THRB: variants seen among roughly 807,000 people sequenced by gnomAD.
THRB encodes nuclear receptor subfamily 1 group A member 2.
In THRB, 12 loss-of-function variants were observed where a neutral mutation model predicts 47.8. That is an observed-to-expected ratio of 0.25 (90% confidence interval 0.16 to 0.41). THRB has a LOEUF of 0.41. THRB is among the 10% of genes least tolerant of loss of function. The pLI, the probability that THRB is intolerant of heterozygous loss-of-function variation, is 1.00. For synonymous variants in THRB, 218 were observed against 212.2 expected, an observed-to-expected ratio of 1.03 and a Z score of -0.24; for missense variants, 348 against 589.2, an observed-to-expected ratio of 0.59 and a Z score of 4.24.
At chr3:24,242,000 A>C (rs1167963810) in intron 3 of THRB, among the ~76,000 whole-genome samples, 10 of 152,138 alleles carry the variant, frequency 6.6e-5, no homozygotes. Flanking sequence ...ATCAGTGCAT[A>C]GTAGGAACTC....
chr3:24,371,780 T>C (rs2064935947), intron 1 of THRB, among the ~76,000 whole-genome samples: 1 of 152,162 alleles, frequency 6.6e-6, no homozygotes, highest in African/African-American at 2.4e-5. Flanking sequence ...CTTGGAGGCG[T>C]TGAAGGCATT....
At chr3:24,172,804 G>A (rs532158626) in intron 5 of THRB, among the ~76,000 whole-genome samples, 1 of 152,214 alleles carries the variant, frequency 6.6e-6, no homozygotes, top group Admixed American at 6.5e-5. Context: ...CAGTCCTGGT[G>A]GCTTCCTCAA....
At chr3:24,245,358 T>G (rs1236748313) in intron 3 of THRB, among the ~76,000 whole-genome samples, 1 of 152,134 alleles carries the variant, frequency 6.6e-6, no homozygotes, top group East Asian at 1.9e-4. Context: ...CTGGGTGCCA[T>G]GATGGGTGCA....
rs527327818 is a variant in THRB at position 24,453,891 on chromosome 3, G to A, written c.-261+40761C>T. The stretch of plus-strand genomic sequence containing the variant: ...TCCCTCTGCCTGCAGTGTTCTCCTA[G>A]CCCTCAAGACAGCTTCATCAAATCC... On this transcript the variant is annotated intron_variant, in intron 1 of 10. Coordinates refer to ENST00000646209, the MANE Select transcript of THRB (RefSeq NM_001354712.2). Among the ~76,000 whole-genome samples, 49 of 152,000 alleles carry A rather than the reference G, an allele frequency of 3.2e-4. No individual in the cohort carries two copies. In the East Asian group the frequency reaches 8.9e-3, roughly 28 times the overall value.
intron 1 of THRB, among the ~76,000 whole-genome samples, chr3:24,436,820 T>C (rs1438324418): frequency 6.6e-6 from 1 of 152,176 alleles, no homozygotes. Context: ...TTCTGTGTGA[T>C]ATATAATAAT....
intron 4 of THRB, among the ~76,000 whole-genome samples, chr3:24,210,760 G>A (rs190141046): frequency 2.0e-5 from 3 of 152,156 alleles, no homozygotes; most frequent in Non-Finnish European, 2.9e-5. Context: ...CTGGTTGACA[G>A]TAAGTAAGGT....
chr3:24,165,106 T>C (rs751180502), intron 5 of THRB: 1 of 765,132 alleles, frequency 1.3e-6, no homozygotes, highest in Admixed American at 1.7e-5. Context: ...GTTGGCTGTA[T>C]TGATTCAGGG....
intron 5 of THRB, among the ~76,000 whole-genome samples, chr3:24,160,705 G>A (rs1219841457): frequency 1.3e-5 from 2 of 152,226 alleles, no homozygotes; most frequent in South Asian, 2.1e-4. Context: ...CATAAAAGCT[G>A]GAGCAGAGTG....
intron 4 of THRB, among the ~76,000 whole-genome samples, chr3:24,199,802 C>T (rs766474514): frequency 3.9e-5 from 6 of 152,164 alleles, no homozygotes; most frequent in Non-Finnish European, 8.8e-5. Flanking sequence ...AACAAAACAA[C>T]GTGTGTTCAA....
At chr3:24,353,951 C>T (rs1560003378) in intron 1 of THRB, among the ~76,000 whole-genome samples, 1 of 151,940 alleles carries the variant, frequency 6.6e-6, no homozygotes. Flanking sequence ...AGTCTTGTGC[C>T]CTGATTTCAA....
At chr3:24,134,648 T>G (rs879434280) in intron 8 of THRB, among the ~76,000 whole-genome samples, 3 of 152,078 alleles carry the variant, frequency 2.0e-5, no homozygotes, top group Non-Finnish European at 4.4e-5. Context: ...CTGTGGACCT[T>G]TTGACACTAA....
intron 1 of THRB, among the ~76,000 whole-genome samples, chr3:24,376,328 A>G (rs1198481294): frequency 6.6e-6 from 1 of 152,152 alleles, no homozygotes; most frequent in East Asian, 1.9e-4. Flanking sequence ...TCAAATTGCA[A>G]CCTGGGGAAG....
chr3:24,372,468 T>C (rs559129449), intron 1 of THRB, among the ~76,000 whole-genome samples: 10 of 151,844 alleles, frequency 6.6e-5, no homozygotes, highest in Non-Finnish European at 1.5e-4. Flanking sequence ...CAATATGGAG[T>C]TCCCTTATAA....
At chr3:24,132,439 C>T (rs2034011412) in intron 9 of THRB, among the ~76,000 whole-genome samples, 1 of 152,142 alleles carries the variant, frequency 6.6e-6, no homozygotes, top group Non-Finnish European at 1.5e-5. Context: ...TATTATAACC[C>T]AGGCACTGTC....
At chr3:24,201,718 A>T (rs2044618348) in intron 4 of THRB, among the ~76,000 whole-genome samples, 1 of 152,234 alleles carries the variant, frequency 6.6e-6, no homozygotes, top group Admixed American at 6.5e-5. Context: ...ACATGCAGAA[A>T]TTAAAAGACA....
chr3:24,334,680 G>C (rs544270245), intron 2 of THRB, among the ~76,000 whole-genome samples: 1 of 152,234 alleles, frequency 6.6e-6, no homozygotes, highest in Admixed American at 6.5e-5. Flanking sequence ...CTCTTTCACA[G>C]TATTCCTGAT....
At chr3:24,361,794 G>A (rs553309855) in intron 1 of THRB, among the ~76,000 whole-genome samples, 2 of 152,200 alleles carry the variant, frequency 1.3e-5, no homozygotes, top group South Asian at 2.1e-4. Context: ...GGGGGCTTAC[G>A]TCATGCAGCC....
chr3:24,317,163 C>T (rs950517193), intron 2 of THRB, among the ~76,000 whole-genome samples: 14 of 152,234 alleles, frequency 9.2e-5, no homozygotes, highest in African/African-American at 3.4e-4. Context: ...AGTATGGGGT[C>T]TGTAAGTATG....
At chr3:24,189,840 C>T (rs1182011078) in intron 5 of THRB, among the ~76,000 whole-genome samples, 2 of 152,188 alleles carry the variant, frequency 1.3e-5, no homozygotes, top group South Asian at 4.1e-4. Context: ...TGTCTTCACC[C>T]CAAGTGTCCC....
Sources: gnomAD v4.1 joint callset for allele counts (sites outside exome capture counted in the v4.1 genomes callset) on GRCh38, gnomAD v4.1.1 for gene constraint, MANE v1.5 for transcripts, NCBI Gene and HGNC (gene_info 2026-07-23, HGNC 2026-07-21) for gene names.